Variants in SCN7A observed in about 807,000 individuals in gnomAD.
The protein encoded by SCN7A is sodium voltage-gated channel alpha subunit 7.
SCN7A carries 138 observed loss-of-function variants against 155.2 expected under a neutral mutation model. The ratio of observed to expected loss-of-function variants is 0.89; its 90% CI spans 0.77 to 1.02. SCN7A has a LOEUF of 1.02. Among genes scored for constraint, SCN7A ranks in the 50% least tolerant of loss-of-function variants. The pLI is 0.00. For synonymous variants in SCN7A, 693 were observed against 649.0 expected (o/e 1.07, Z -1.03); for missense variants, 2,058 against 1,986.6 (o/e 1.04, Z -0.68).
At chr2:166,467,065 C>A (rs1702549962) in intron 7 of SCN7A, among the ~76,000 whole-genome samples, 1 of 151,666 alleles carries the variant, frequency 6.6e-6, no homozygotes, top group Non-Finnish European at 1.5e-5. Flanking sequence ...TTATATCATT[C>A]TTTTTACTAT....
chr2:166,469,752 C>G (rs1702612997), intron 7 of SCN7A, among the ~76,000 whole-genome samples: 1 of 151,870 alleles, frequency 6.6e-6, no homozygotes, highest in African/African-American at 2.4e-5. Flanking sequence ...CAGGTTAACT[C>G]TCACTGATTC....
Position 166,432,588 on chromosome 2 carries a change from T to G in SCN7A, c.2322A>C (p.Pro774=), listed in dbSNP as rs1310277005. The change falls in exon 16 of 26, where the codon CCA becomes CCC. Residue 774 remains proline, a synonymous_variant. Coordinates refer to ENST00000643258, the MANE Select transcript of SCN7A (RefSeq NM_002976.4). ...CATTTACATGGTCCATTGTGTCCTT[T>G]GGGACATTTTGTGTTTTGCATAGTA... The part of the protein sequence containing the change: ...LKILCKTQNV[P]KDTMDHVNEV... 1.9e-6 allele frequency: 3 copies of G among 1,613,086 alleles called. No individual in the cohort carries two copies. The South Asian group carries it at 3.3e-5, about 18-fold the overall frequency.
At position 166,406,431 on chromosome 2, in the gene SCN7A, A is replaced by G. The variant is rs1701075882; in HGVS notation, c.4198T>C (p.Tyr1400His). ...VMFIYAVFGMYNFAYVKKEAG... is the reference protein window; with the variant it reads ...VMFIYAVFGMHNFAYVKKEAG... ...TCTTTTTTAACATAGGCAAAATTAT[A>G]CATTCCAAATACGGCATAGATGAAC... Residue 1400 changes from tyrosine (Y) to histidine (H), a missense_variant, in exon 26 of 26, where the codon TAT (tyrosine) becomes CAT (histidine). Coordinates refer to ENST00000643258, the MANE Select transcript of SCN7A (RefSeq NM_002976.4). 1 of 1,613,024 alleles carries G rather than the reference A, an allele frequency of 6.2e-7. No homozygotes were observed.
intron 1 of SCN7A, among the ~76,000 whole-genome samples, chr2:166,491,135 A>C (rs1683092140): frequency 6.6e-6 from 1 of 152,186 alleles, no homozygotes; most frequent in Non-Finnish European, 1.5e-5. Context: ...TCTACTCAGC[A>C]CAATATATTC....
intron 3 of SCN7A, 83 bp downstream of exon 3, chr2:166,477,380 G>T: frequency 3.5e-6 from 3 of 864,402 alleles, no homozygotes; most frequent in Non-Finnish European, 5.1e-6. Flanking sequence ...TTATCTTTTT[G>T]TATCCTATCT....
chr2:166,419,075 C>G (rs1701452414), intron 20 of SCN7A, among the ~76,000 whole-genome samples: 2 of 152,126 alleles, frequency 1.3e-5, no homozygotes, highest in Non-Finnish European at 2.9e-5. Flanking sequence ...AGTCAGTTTC[C>G]CTGGCAAATC....
chr2:166,428,109 T>C (rs1377508903), intron 17 of SCN7A, among the ~76,000 whole-genome samples, 167 bp from the exon 18 acceptor site: 2 of 152,066 alleles, frequency 1.3e-5, no homozygotes, highest in Admixed American at 1.3e-4. Flanking sequence ...GTGACCACTG[T>C]AATCCCTGAG....
chr2:166,475,999 C>T (rs766664996), intron 3 of SCN7A, among the ~76,000 whole-genome samples: 2 of 151,916 alleles, frequency 1.3e-5, no homozygotes, highest in Non-Finnish European at 1.5e-5. Context: ...GTACTCAGAA[C>T]TCTGCAGTAT....
At chr2:166,468,608 C>T (rs576512271) in intron 7 of SCN7A, among the ~76,000 whole-genome samples, 1 of 152,042 alleles carries the variant, frequency 6.6e-6, no homozygotes, top group East Asian at 1.9e-4. Flanking sequence ...CATTCTGTGT[C>T]GAAATGGTTT....
At chr2:166,480,390 G>A (rs1339582103) in intron 2 of SCN7A, among the ~76,000 whole-genome samples, 3 of 151,646 alleles carry the variant, frequency 2.0e-5, no homozygotes, top group African/African-American at 4.8e-5. Context: ...CCCGGGAGGC[G>A]GAGCTTGCAG....
chr2:166,474,902 A>G (rs1702746155), intron 3 of SCN7A, among the ~76,000 whole-genome samples: 1 of 151,320 alleles, frequency 6.6e-6, no homozygotes, highest in Non-Finnish European at 1.5e-5. Context: ...TAAACCTAAT[A>G]CATTGAGATA....
In SCN7A at chr2:166,429,256, A is replaced by G; in HGVS notation, c.2611T>C (p.Ser871Pro). 5.9e-6 allele frequency: 9 copies of G among 1,534,256 alleles called. No individual in the cohort carries two copies. Among genetic ancestry groups the G allele is most frequent in the South Asian group, 1.2e-5 (1 of 80,322 alleles). Residue 871 changes from serine to proline, a missense_variant, in exon 17 of 26, where the codon TCA becomes CCA. By Grantham distance (74) the Ser-to-Pro change is moderately conservative (BLOSUM62 -1). Coordinates refer to ENST00000643258, the MANE Select transcript of SCN7A (RefSeq NM_002976.4). ...ATATCAACAGTACTGCATTCAGATGAGCTAGATTGCTTTATTTTCTAAAAG... is the reference window on the plus strand; with the variant it reads ...ATATCAACAGTACTGCATTCAGATGGGCTAGATTGCTTTATTTTCTAAAAG... ...GSKEKIKQSS[S>P]SECSTVDIAI...
rs530330812 is a variant in SCN7A, at chr2:166,413,453, A to G, written c.3415-332T>C. On this transcript the variant is annotated intron_variant, in intron 21 of 25. Transcript: ENST00000643258. ...ACACATGTGCTTTTCTGTGAGAGAC[A>G]TAAGAGGAATTGTTCAACTCTTCAC... Among the ~76,000 whole-genome samples, 18 of 152,228 alleles carry G rather than the reference A, an allele frequency of 1.2e-4. No individual in the cohort carries two copies. The South Asian group carries it at 3.1e-3, about 26-fold the overall frequency.
chr2:166,455,802 T>A (rs571301208), intron 11 of SCN7A, among the ~76,000 whole-genome samples: 27 of 152,184 alleles, frequency 1.8e-4, no homozygotes, highest in Non-Finnish European at 3.5e-4. Context: ...ATTGAGATAA[T>A]CATGTGGTTT....
At chr2:166,466,380 G>A (rs1403752258) in intron 7 of SCN7A, among the ~76,000 whole-genome samples, 1 of 151,988 alleles carries the variant, frequency 6.6e-6, no homozygotes, top group Non-Finnish European at 1.5e-5. Context: ...TGAAACAGCA[G>A]TATTATATGT....
At chr2:166,436,435 C>A in intron 15 of SCN7A, 1 of 432,094 alleles carries the variant, frequency 2.3e-6, no homozygotes, top group Non-Finnish European at 4.6e-6. Context: ...TGAGGCCTCC[C>A]AAGCCCTGTG....
intron 21 of SCN7A, among the ~76,000 whole-genome samples, chr2:166,414,012 A>ATAAATATAT (rs1701267233): frequency 2.2e-5 from 2 of 92,644 alleles, no homozygotes; most frequent in African/African-American, 8.5e-5. Context: ...TAAATATACT[A>ATAAATATAT]TATATATGTA....
chr2:166,489,627 C>CTTCCAAT (rs1160121833), intron 1 of SCN7A, among the ~76,000 whole-genome samples: 2 of 152,178 alleles, frequency 1.3e-5, no homozygotes, highest in Non-Finnish European at 2.9e-5. Context: ...GGGTTGGTTA[C>CTTCCAAT]TTCCAATTTG....
At chr2:166,475,181 T>C (rs1384113264) in intron 3 of SCN7A, among the ~76,000 whole-genome samples, 8 of 144,370 alleles carry the variant, frequency 5.5e-5, no homozygotes, top group Non-Finnish European at 9.1e-5. Flanking sequence ...ATATCCACCA[T>C]ATATCCATTT....
Sources: allele counts gnomAD v4.1 joint callset (sites outside exome capture counted in the v4.1 genomes callset), GRCh38; gene constraint gnomAD v4.1.1; transcripts MANE v1.5; gene names NCBI Gene and HGNC (gene_info 2026-07-23, HGNC 2026-07-21).